The following PRDM16 variants were observed in gnomAD, a reference collection of about 807,000 sequenced individuals.
PRDM16 encodes histone-lysine N-methyltransferase PRDM16.
Under a neutral mutation model 110.6 loss-of-function variants are expected in PRDM16, and 23 were observed. The ratio of observed to expected loss-of-function variants is 0.21; its 90% CI spans 0.15 to 0.29. The LOEUF is 0.29. PRDM16 is among the 10% of genes least tolerant of loss of function. The pLI, the probability that PRDM16 is intolerant of heterozygous loss-of-function variation, is 1.00. For synonymous variants in PRDM16, 799 were observed against 781.8 expected (o/e 1.02, Z -0.37); for missense variants, 1,615 against 1,794.3 (o/e 0.90, Z 1.81).
At chr1:3,329,931 C>T (rs1642009118) in intron 3 of PRDM16, among the ~76,000 whole-genome samples, 3 of 152,232 alleles carry the variant, frequency 2.0e-5, no homozygotes, top group African/African-American at 7.2e-5. Flanking sequence ...AGAAGTGCAC[C>T]CAGGAGGTGG....
At chr1:3,361,137 T>C (rs1007320257) in intron 3 of PRDM16, among the ~76,000 whole-genome samples, 1 of 152,174 alleles carries the variant, frequency 6.6e-6, no homozygotes, top group African/African-American at 2.4e-5. Context: ...ACATTTCGGC[T>C]CTGGGGCGTG....
chr1:3,103,214 A>G (rs1301413386), intron 1 of PRDM16, among the ~76,000 whole-genome samples: 1 of 152,206 alleles, frequency 6.6e-6, no homozygotes, highest in Non-Finnish European at 1.5e-5. Flanking sequence ...CTTAGACAGC[A>G]GGAGTTTGTT....
At chr1:3,142,000 G>A (rs1024152281) in intron 1 of PRDM16, among the ~76,000 whole-genome samples, 11 of 152,252 alleles carry the variant, frequency 7.2e-5, no homozygotes, top group African/African-American at 1.2e-4. Context: ...ACGTGGGGCC[G>A]CACTGTGCAT....
Position 3,433,766 on chromosome 1 carries a change from A to AGCCACGTCGGAGTCT in PRDM16, c.3788_3802dup (p.Ala1263_Ser1267dup), listed in dbSNP as rs749266267. On this transcript the variant is annotated inframe_insertion, in exon 17 of 17. Coordinates refer to ENST00000270722, the MANE Select transcript of PRDM16 (RefSeq NM_022114.4). Reference sequence around the variant, plus strand: ...TGGACGCTTGGTTGAAGGTCACTGGAGCCACGTCGGAGTCTGGAGCATTTC... The same window carrying AGCCACGTCGGAGTCT: ...TGGACGCTTGGTTGAAGGTCACTGGAGCCACGTCGGAGTCTGCCACGTCGGAGTCTGGAGCATTTC... 6.2e-7 allele frequency: 1 copy of AGCCACGTCGGAGTCT among 1,613,876 alleles called. No homozygotes were observed. The highest frequency in any genetic ancestry group is 8.5e-7 in the Non-Finnish European group (1 of 1,179,926).
At chr1:3,393,180 T>A (rs1643324808) in intron 4 of PRDM16, among the ~76,000 whole-genome samples, 1 of 152,244 alleles carries the variant, frequency 6.6e-6, no homozygotes, top group South Asian at 2.1e-4. Flanking sequence ...GCCTTGCCCG[T>A]GCAACACAAC....
At chr1:3,351,370 G>T (rs978023904) in intron 3 of PRDM16, among the ~76,000 whole-genome samples, 1 of 151,784 alleles carries the variant, frequency 6.6e-6, no homozygotes, top group Admixed American at 6.6e-5. Context: ...CTCCATCCAG[G>T]GCCCACGTGG....
In PRDM16 at chr1:3,350,279, T is replaced by G. The variant is rs1642456609; in HGVS notation, c.439-34873T>G. On this transcript the variant is annotated intron_variant, in intron 3 of 16. Transcript: ENST00000270722. This position sits in a 1 kb window ranked among gnomAD's most constrained non-coding sequence, Gnocchi z 7.1. ...AGGTCCGGGCTACAGAGAGCTGTGA[T>G]CACACCACTATACTCCAGCCTGGGC... Among the ~76,000 whole-genome samples the G allele has an allele frequency of 6.6e-6, 1 of 152,128 alleles. No homozygotes were observed. The highest frequency in any genetic ancestry group is 2.1e-4 in the South Asian group (1 of 4,826).
intron 1 of PRDM16, among the ~76,000 whole-genome samples, chr1:3,181,711 C>T (rs1345158653): frequency 1.6e-5 from 2 of 128,016 alleles, no homozygotes; most frequent in Admixed American, 7.6e-5. Flanking sequence ...CACGGTCTTA[C>T]ACACGCAGTC....
At chr1:3,116,612 G>A (rs1642967070) in intron 1 of PRDM16, among the ~76,000 whole-genome samples, 2 of 152,176 alleles carry the variant, frequency 1.3e-5, no homozygotes, top group South Asian at 4.1e-4. Context: ...GCTGCCCCAG[G>A]GGACCGCAGC....
At position 3,081,889 on chromosome 1, in the gene PRDM16, A is replaced by G. The variant is rs1263644664; in HGVS notation, c.37+12593A>G. 6.6e-6 allele frequency among the ~76,000 whole-genome samples: 1 copy of G among 152,110 alleles called. No homozygotes were observed. The highest frequency in any genetic ancestry group is 2.4e-5 in the African/African-American group (1 of 41,432). On this transcript the variant is annotated intron_variant, in intron 1 of 16. Coordinates refer to ENST00000270722, the MANE Select transcript of PRDM16 (RefSeq NM_022114.4). This position sits in a 1 kb window ranked among gnomAD's most constrained non-coding sequence, Gnocchi z 4.6. ...CTGCCATCCCTAGCTCCCCTCACAG[A>G]CCCAGAGGCAGAGGCCTTCAGGGCC...
At chr1:3,427,486 TGAA>T (rs1638643316) in intron 14 of PRDM16, among the ~76,000 whole-genome samples, 3 of 151,958 alleles carry the variant, frequency 2.0e-5, no homozygotes, top group Admixed American at 1.3e-4. Context: ...CTCCAGTAGG[TGAA>T]GAAGAAGCCC....
chr1:3,166,595 G>A (rs1265001697), intron 1 of PRDM16, among the ~76,000 whole-genome samples: 6 of 152,156 alleles, frequency 3.9e-5, no homozygotes, highest in Non-Finnish European at 7.3e-5. Flanking sequence ...ACAGTCCCTC[G>A]CATCGCCAGT....
At chr1:3,357,076 A>C (rs1642618748) in intron 3 of PRDM16, among the ~76,000 whole-genome samples, 1 of 152,196 alleles carries the variant, frequency 6.6e-6, no homozygotes, top group Non-Finnish European at 1.5e-5. Context: ...AGGCGGGTGC[A>C]GAAAAGGAGT....
chr1:3,110,811 G>T (rs75849208), intron 1 of PRDM16, among the ~76,000 whole-genome samples: 1 of 152,314 alleles, frequency 6.6e-6, no homozygotes, highest in African/African-American at 2.4e-5. Flanking sequence ...GCGTGGGAGG[G>T]ATGGAGGCCA....
rs1640269375 is a variant in PRDM16 at position 3,265,689 on chromosome 1, C to T, written c.438+21552C>T. On this transcript the variant is annotated intron_variant, in intron 3 of 16. Coordinates refer to ENST00000270722, the MANE Select transcript of PRDM16 (RefSeq NM_022114.4). This position sits in a 1 kb window ranked among gnomAD's most constrained non-coding sequence, Gnocchi z 4.5. The stretch of plus-strand genomic sequence containing the variant: ...TTGCCCCGGGGCTGCCTGGGTTTGT[C>T]CTGGGAAGGTGAGGATGGGAGCTGA... 6.6e-6 allele frequency among the ~76,000 whole-genome samples: 1 copy of T among 151,992 alleles called. No individual in the cohort carries two copies. Among genetic ancestry groups the T allele is most frequent in the East Asian group, 1.9e-4 (1 of 5,182 alleles).
At chr1:3,304,460 C>A (rs1017971214) in intron 3 of PRDM16, among the ~76,000 whole-genome samples, 1 of 152,234 alleles carries the variant, frequency 6.6e-6, no homozygotes, top group African/African-American at 2.4e-5. Flanking sequence ...CCGTTTTATA[C>A]GAACAATGAA....
In PRDM16 at chr1:3,388,508, A is replaced by AT. The variant is rs562342040; in HGVS notation, c.573+3226dup. ...TTCAAGACATGTGACCTCAGCCCCC[A>AT]TTTTCAAAGGAAAAAGGAGACTAGG... is the stretch of plus-strand genomic sequence containing the variant. On this transcript the variant is annotated intron_variant, in intron 4 of 16. Transcript: ENST00000270722. Among the ~76,000 whole-genome samples the AT allele has an allele frequency of 2.5e-4, 38 of 152,264 alleles. No individual in the cohort carries two copies. In the East Asian group the frequency reaches 6.2e-3, roughly 25 times the overall value.
intron 3 of PRDM16, among the ~76,000 whole-genome samples, chr1:3,303,110 T>G (rs1347131960): frequency 6.6e-6 from 1 of 152,176 alleles, no homozygotes; most frequent in Non-Finnish European, 1.5e-5. Context: ...CATATAATTT[T>G]CCCTTTGGAA....
At chr1:3,074,631 G>A (rs1215625190) in intron 1 of PRDM16, among the ~76,000 whole-genome samples, 2 of 152,188 alleles carry the variant, frequency 1.3e-5, no homozygotes, top group African/African-American at 4.8e-5. Context: ...CCAAGGGCAG[G>A]CACAGAGGAG....
Sources: allele counts gnomAD v4.1 joint callset (sites outside exome capture counted in the v4.1 genomes callset), GRCh38; gene constraint gnomAD v4.1.1; non-coding constraint Gnocchi (gnomAD v3.1); transcripts MANE v1.5; gene names NCBI Gene and HGNC (gene_info 2026-07-23, HGNC 2026-07-21).